The following ESRRG variants were observed in gnomAD, a reference collection of about 807,000 sequenced individuals.
The protein encoded by ESRRG is estrogen-related receptor gamma.
Under a neutral mutation model 44.0 loss-of-function variants are expected in ESRRG, and 13 were observed. The ratio of observed to expected loss-of-function variants is 0.30; its 90% CI spans 0.19 to 0.47. The LOEUF is 0.47. ESRRG is among the 20% of genes least tolerant of loss of function. ESRRG has a pLI of 1.00. For synonymous variants in ESRRG, 215 were observed against 214.6 expected (o/e 1.00, Z -0.02); for missense variants, 395 against 580.6 (o/e 0.68, Z 3.29).
chr1:216,581,761 G>T (rs1166221914), intron 3 of ESRRG, among the ~76,000 whole-genome samples: 1 of 152,190 alleles, frequency 6.6e-6, no homozygotes, highest in Non-Finnish European at 1.5e-5. Flanking sequence ...TGTGGGAGTG[G>T]GGTGGGCAAT....
intron 1 of ESRRG, among the ~76,000 whole-genome samples, chr1:216,994,535 T>A (rs1025882451): frequency 9.2e-5 from 14 of 152,122 alleles, no homozygotes; most frequent in Non-Finnish European, 2.1e-4. Context: ...TAAAAAAGTA[T>A]ATATTGGCCT....
rs142163314 is a variant in ESRRG at position 216,527,471 on chromosome 1, G to T, written c.863-8050C>A. Reference sequence around the variant, plus strand: ...TACATGATAAAACTGAAACTCTCTGGTAGAACACAGAATTTCTTTCATTGT... The same window carrying T: ...TACATGATAAAACTGAAACTCTCTGTTAGAACACAGAATTTCTTTCATTGT... On this transcript the variant is annotated intron_variant, in intron 5 of 6. Transcript: ENST00000408911. 2.0e-5 allele frequency among the ~76,000 whole-genome samples: 3 copies of T among 151,970 alleles called. No homozygotes were observed. The East Asian group carries it at 5.8e-4, about 30-fold the overall frequency.
intron 2 of ESRRG, among the ~76,000 whole-genome samples, chr1:216,811,628 A>G (rs191347744): frequency 3.9e-5 from 6 of 152,314 alleles, no homozygotes; most frequent in Admixed American, 1.3e-4. Context: ...CAATTTTACT[A>G]TTAAGTCAGC....
At chr1:216,768,747 T>C (rs1455534457) in intron 2 of ESRRG, among the ~76,000 whole-genome samples, 1 of 152,142 alleles carries the variant, frequency 6.6e-6, no homozygotes, top group Non-Finnish European at 1.5e-5. Flanking sequence ...CTTCTTGGCA[T>C]CCCAAAGTGC....
intron 2 of ESRRG, among the ~76,000 whole-genome samples, chr1:216,770,152 A>G (rs1244738332): frequency 6.6e-6 from 1 of 152,106 alleles, no homozygotes; most frequent in Non-Finnish European, 1.5e-5. Flanking sequence ...CAATTTGGCA[A>G]TAGGAAAACC....
intron 5 of ESRRG, among the ~76,000 whole-genome samples, chr1:216,551,167 G>A (rs2056218915): frequency 1.3e-5 from 2 of 152,110 alleles, no homozygotes; most frequent in South Asian, 4.1e-4. Context: ...CATAAACCAT[G>A]CATCATAGTC....
At chr1:216,779,840 C>T (rs551557880) in intron 2 of ESRRG, among the ~76,000 whole-genome samples, 1 of 151,454 alleles carries the variant, frequency 6.6e-6, no homozygotes, top group Non-Finnish European at 1.5e-5. Flanking sequence ...CCTTGGACAG[C>T]TGGCTTATCT....
intron 2 of ESRRG, among the ~76,000 whole-genome samples, chr1:216,660,584 T>G (rs1339344): frequency 0.84 from 128,283 of 152,226 alleles, 54,107 homozygotes; most frequent in Admixed American, 0.88. Flanking sequence ...GTTTAGAATA[T>G]AAATAAAAAT....
At chr1:216,915,526 T>C (rs1053713404) in intron 2 of ESRRG, among the ~76,000 whole-genome samples, 4 of 152,088 alleles carry the variant, frequency 2.6e-5, no homozygotes, top group African/African-American at 9.7e-5. Context: ...TTTGCATTCA[T>C]ACAAAATCAA....
At chr1:217,064,195 T>C (rs948400135) in intron 1 of ESRRG, among the ~76,000 whole-genome samples, 1 of 146,464 alleles carries the variant, frequency 6.8e-6, no homozygotes, top group Non-Finnish European at 1.6e-5. Context: ...TATAGGTATA[T>C]ATTGTATGTG....
At chr1:216,778,435 C>T (rs556957032) in intron 2 of ESRRG, among the ~76,000 whole-genome samples, 2 of 151,972 alleles carry the variant, frequency 1.3e-5, no homozygotes, top group Admixed American at 6.6e-5. Flanking sequence ...ATTTCTTGGT[C>T]CTGGAAGAAG....
chr1:216,943,602 T>A (rs2065604016), intron 1 of ESRRG, among the ~76,000 whole-genome samples: 1 of 152,140 alleles, frequency 6.6e-6, no homozygotes, highest in African/African-American at 2.4e-5. Context: ...CTGTGAGGGT[T>A]TACCTGTAAT....
chr1:216,672,971 C>T (rs1353584254), intron 2 of ESRRG, among the ~76,000 whole-genome samples: 2 of 152,130 alleles, frequency 1.3e-5, no homozygotes, highest in Non-Finnish European at 2.9e-5. Flanking sequence ...GAGAGTAGAA[C>T]CAGGCCCTGG....
At chr1:216,752,428 TAA>T (rs768865433) in intron 2 of ESRRG, among the ~76,000 whole-genome samples, 4 of 151,904 alleles carry the variant, frequency 2.6e-5, no homozygotes, top group Non-Finnish European at 5.9e-5. Flanking sequence ...GAACAAAAAA[TAA>T]AAGTTTTTTA....
At chr1:216,591,622 T>G (rs2057681864) in intron 3 of ESRRG, among the ~76,000 whole-genome samples, 1 of 152,146 alleles carries the variant, frequency 6.6e-6, no homozygotes, top group Admixed American at 6.5e-5. Context: ...GACACTGAGG[T>G]TGTGGCATGG....
chr1:217,000,191 G>T (rs986323071), intron 1 of ESRRG: 1 of 152,168 alleles, frequency 6.6e-6, no homozygotes, highest in Non-Finnish European at 1.5e-5. Context: ...GTATTAGTTT[G>T]CTAGGGCTGC....
At chr1:216,775,758 C>T (rs2789728) in intron 2 of ESRRG, among the ~76,000 whole-genome samples, 2,527 of 151,208 alleles carry the variant, frequency 0.017, 33 homozygotes, top group Non-Finnish European at 0.028. Flanking sequence ...AGAGATGATG[C>T]TTCACTATGT....
chr1:216,600,610 T>C (rs2059074082), intron 3 of ESRRG, among the ~76,000 whole-genome samples: 1 of 152,116 alleles, frequency 6.6e-6, no homozygotes, highest in East Asian at 1.9e-4. Flanking sequence ...GCAGGTTATT[T>C]CATCACCCAG....
At chr1:216,633,394 C>T (rs530418794) in intron 3 of ESRRG, among the ~76,000 whole-genome samples, 1 of 152,176 alleles carries the variant, frequency 6.6e-6, no homozygotes, top group Admixed American at 6.5e-5. Flanking sequence ...ACTCCTATTG[C>T]CTAGATTCCA....
Sources: allele counts gnomAD v4.1 joint callset (sites outside exome capture counted in the v4.1 genomes callset), GRCh38; gene constraint gnomAD v4.1.1; transcripts MANE v1.5; gene names NCBI Gene and HGNC (gene_info 2026-07-23, HGNC 2026-07-21).